HPN: variants seen among roughly 807,000 people sequenced by gnomAD.
The protein encoded by HPN is serine protease hepsin.
Under a neutral mutation model 55.9 loss-of-function variants are expected in HPN, and 13 were observed. The ratio of observed to expected loss-of-function variants is 0.23; its 90% CI spans 0.15 to 0.37. The LOEUF is 0.37. HPN is among the 10% of genes least tolerant of loss of function. The pLI is 1.00. For synonymous variants in HPN, 225 were observed against 240.3 expected, an observed-to-expected ratio of 0.94 and a Z score of 0.59; for missense variants, 451 against 575.8, an observed-to-expected ratio of 0.78 and a Z score of 2.22.
rs1418048764 is a variant in HPN at position 35,060,713 on chromosome 19, C to T, written c.707C>T (p.Ala236Val). The T allele has an allele frequency of 6.2e-7, 1 of 1,614,080 alleles. No homozygotes were observed. Among genetic ancestry groups the T allele is most frequent in the African/African-American group, 1.3e-5 (1 of 74,952 alleles). ...CACGGTCTGCAGCTGGGGGTGCAGG[C>T]TGTGGTCTACCACGGGGGCTATCTT... is the stretch of plus-strand genomic sequence containing the variant. ...SPHGLQLGVQAVVYHGGYLPF... is the reference protein window; with the variant it reads ...SPHGLQLGVQVVVYHGGYLPF... The change falls in exon 9 of 13, where the codon GCT becomes GTT. Residue 236 changes from alanine to valine, a missense_variant. Ala to Val is a moderately conservative substitution (Grantham distance 64, BLOSUM62 0). Around this residue, in one of 2 missense-constraint regions of HPN, gnomAD observed 378 missense variants for 445.5 expected, o/e 0.85. Coordinates refer to ENST00000672452, the MANE Select transcript of HPN (RefSeq NM_001384133.1).
intron 9 of HPN, among the ~76,000 whole-genome samples, chr19:35,061,219 C>T (rs938114715): frequency 6.6e-5 from 10 of 152,104 alleles, no homozygotes; most frequent in Non-Finnish European, 1.0e-4. Context: ...GTATATTGAC[C>T]GGGCGCGGTG....
At chr19:35,055,013 T>G (rs1414063720) in intron 4 of HPN, among the ~76,000 whole-genome samples, 2 of 152,056 alleles carry the variant, frequency 1.3e-5, no homozygotes, top group Non-Finnish European at 2.9e-5. Flanking sequence ...GGCAGGAGGC[T>G]CTTGAGAAAA....
At chr19:35,041,690 A>AGAACCCC, upstream of HPN, 1 of 773,492 alleles carries the variant, frequency 1.3e-6, no homozygotes, top group Non-Finnish European at 1.5e-6. Context: ...CCGCCCCTTC[A>AGAACCCC]CCCGCCCCTC....
At chr19:35,050,542 G>A (rs554264392) in intron 4 of HPN, 2 of 1,284,384 alleles carry the variant, frequency 1.6e-6, no homozygotes, top group Admixed American at 2.3e-5. Flanking sequence ...CTGCAGGCAT[G>A]TGGAATGAAT....
chr19:35,054,310 C>A (rs1054751195), intron 4 of HPN, among the ~76,000 whole-genome samples: 2 of 150,514 alleles, frequency 1.3e-5, no homozygotes, highest in Admixed American at 6.6e-5. Flanking sequence ...CCCAGCTACT[C>A]GGGAGGCTGA....
intron 9 of HPN, among the ~76,000 whole-genome samples, chr19:35,062,265 A>C (rs1013250336): frequency 1.3e-5 from 2 of 152,134 alleles, no homozygotes; most frequent in Admixed American, 1.3e-4. Flanking sequence ...CTGGGTGATG[A>C]AAGATTCTAA....
chr19:35,052,109 G>A (rs761006945), intron 4 of HPN, among the ~76,000 whole-genome samples: 3 of 152,194 alleles, frequency 2.0e-5, no homozygotes, highest in Non-Finnish European at 4.4e-5. Flanking sequence ...GCAGATTTCA[G>A]TTCTGCACAG....
intron 2 of HPN, among the ~76,000 whole-genome samples, chr19:35,047,201 C>T (rs1313692105): frequency 6.6e-6 from 1 of 152,206 alleles, no homozygotes; most frequent in Non-Finnish European, 1.5e-5. Context: ...ACCAGGCCTC[C>T]CCAGCTGGCC....
Position 35,065,313 on chromosome 19 carries a change from C to T in HPN, c.875C>T (p.Thr292Ile), listed in dbSNP as rs764135534. The change falls in exon 10 of 13, where the codon ACC (threonine) becomes ATC (isoleucine). Residue 292 changes from threonine (T) to isoleucine (I), a missense_variant. Around this residue, in one of 2 missense-constraint regions of HPN, gnomAD observed 378 missense variants for 445.5 expected, o/e 0.85. Coordinates refer to ENST00000672452, the MANE Select transcript of HPN (RefSeq NM_001384133.1). ...GQALVDGKICTVTGWGNTQYY... is the reference protein window; with the variant it reads ...GQALVDGKICIVTGWGNTQYY... ...GCCCTGGTGGATGGCAAGATCTGTA[C>T]CGTGACGGGCTGGGGCAACACGCAG... 25 of 1,613,946 alleles carry T rather than the reference C, an allele frequency of 1.5e-5. No individual in the cohort carries two copies. The highest frequency in any genetic ancestry group is 2.1e-5 in the Non-Finnish European group (25 of 1,179,884).
In HPN at chr19:35,066,481, C is replaced by T; in HGVS notation, c.*194C>T. 1.5e-6 allele frequency: 1 copy of T among 650,822 alleles called. No homozygotes were observed. The highest frequency in any genetic ancestry group is 2.6e-6 in the Non-Finnish European group (1 of 384,922). 40.3% of individuals were successfully genotyped at this position (650,822 alleles called of 1,614,324 possible). Reference sequence around the variant, plus strand: ...GACCACCCAACCTCACCCTCCTGACCCCCATGTAAATATTGTTCTGCTGTC... The same window carrying T: ...GACCACCCAACCTCACCCTCCTGACTCCCATGTAAATATTGTTCTGCTGTC... On this transcript the variant is annotated 3_prime_UTR_variant, in exon 13 of 13. Transcript: ENST00000672452.
chr19:35,043,379 C>G lies in HPN; in HGVS notation c.16+857C>G, dbSNP rs141821407. ...TGGAGGGGCGTCCTGTTCTTTCTGC[C>G]TTCCCCTAGCTGGGGCTGACTCCCT... is the stretch of plus-strand genomic sequence containing the variant. On this transcript the variant is annotated intron_variant, in intron 2 of 12. Transcript: ENST00000672452. Among the ~76,000 whole-genome samples the G allele has an allele frequency of 3.3e-5, 5 of 152,292 alleles. No homozygotes were observed. The East Asian group carries it at 9.7e-4, about 29-fold the overall frequency.
chr19:35,046,348 G>A (rs1047354647), intron 2 of HPN, among the ~76,000 whole-genome samples: 2 of 151,604 alleles, frequency 1.3e-5, no homozygotes, highest in Non-Finnish European at 2.9e-5. Flanking sequence ...GGGTTCAAGC[G>A]ATTCTCCTGC....
chr19:35,042,293 C>T, intron 1 of HPN, 160 bp from the exon 2 acceptor site: 2 of 1,393,732 alleles, frequency 1.4e-6, no homozygotes, highest in Non-Finnish European at 1.9e-6. Context: ...ACACTGACCC[C>T]ATCCTTGAAC....
intron 10 of HPN, 68 bp downstream of exon 10, chr19:35,065,413 T>C: frequency 6.4e-7 from 1 of 1,566,648 alleles, no homozygotes; most frequent in Non-Finnish European, 8.7e-7. Context: ...GGATGGGCAG[T>C]CTGGCTGGTT....
intron 4 of HPN, 89 bp downstream of exon 4, chr19:35,049,605 T>C (rs965493513): frequency 1.4e-5 from 16 of 1,135,838 alleles, no homozygotes; most frequent in Middle Eastern, 2.4e-4. Context: ...GTTGAATAAA[T>C]GCACAAATGC....
At chr19:35,054,300 C>T (rs1449054134) in intron 4 of HPN, among the ~76,000 whole-genome samples, 1 of 152,008 alleles carries the variant, frequency 6.6e-6, no homozygotes, top group Non-Finnish European at 1.5e-5. Flanking sequence ...TGCCTGTAAT[C>T]CCAGCTACTC....
chr19:35,042,453 G>A lies in HPN; in HGVS notation c.-54G>A. 1 of 1,581,506 alleles carries A rather than the reference G, an allele frequency of 6.3e-7. No homozygotes were observed. The highest frequency in any genetic ancestry group is 8.6e-7 in the Non-Finnish European group (1 of 1,164,104). ...TGCCTCCCCGTCCATCTCCTCACAG[G>A]TCCCACCCTGGCCCAGGAGGTCAGC... On this transcript the variant is annotated splice_region_variant and 5_prime_UTR_variant, in exon 2 of 13. Transcript: ENST00000672452.
intron 4 of HPN, among the ~76,000 whole-genome samples, chr19:35,054,108 T>G (rs543156777): frequency 1.3e-5 from 2 of 152,160 alleles, no homozygotes; most frequent in Non-Finnish European, 2.9e-5. Context: ...TTCCCATCTG[T>G]AAGATGGGCA....
chr19:35,042,338 C>T, intron 1 of HPN, 115 bp from the exon 2 acceptor site: 7 of 1,425,500 alleles, frequency 4.9e-6, no homozygotes, highest in Non-Finnish European at 6.4e-6. Context: ...ACGGCGTGCT[C>T]TGGCCAAGGC....
Sources: gnomAD v4.1 joint callset for allele counts (sites outside exome capture counted in the v4.1 genomes callset) on GRCh38, gnomAD v4.1.1 for gene constraint, gnomAD v4.1.1 regional missense constraint, MANE v1.5 for transcripts, NCBI Gene and HGNC (gene_info 2026-07-23, HGNC 2026-07-21) for gene names.